The following CDK1 variants were observed in gnomAD, a reference collection of about 807,000 sequenced individuals.
CDK1 encodes cyclin-dependent kinase 1.
CDK1 carries 5 observed loss-of-function variants against 34.6 expected under a neutral mutation model. The observed-to-expected ratio is 0.14, with a 90% CI of 0.08 to 0.30. The LOEUF is 0.30. Among genes scored for constraint, CDK1 ranks in the 10% least tolerant of loss-of-function variants. CDK1 has a pLI of 1.00. For synonymous variants in CDK1, 108 were observed against 114.7 expected, an observed-to-expected ratio of 0.94 and a Z score of 0.37; for missense variants, 157 against 345.7, an observed-to-expected ratio of 0.45 and a Z score of 4.33.
chr10:60,785,316 G>C (rs532492332), intron 3 of CDK1, among the ~76,000 whole-genome samples: 4 of 152,078 alleles, frequency 2.6e-5, no homozygotes, highest in African/African-American at 9.7e-5. Flanking sequence ...ACTTGGCTGG[G>C]GCTAGAGATT....
At chr10:60,781,801 A>G (rs577804022) in intron 2 of CDK1, among the ~76,000 whole-genome samples, 61 of 152,262 alleles carry the variant, frequency 4.0e-4, no homozygotes, top group African/African-American at 1.4e-3. Context: ...CCTTTGCATC[A>G]TACCATAGGA....
intron 5 of CDK1, among the ~76,000 whole-genome samples, chr10:60,789,985 C>T (rs563057623): frequency 6.6e-6 from 1 of 152,138 alleles, no homozygotes; most frequent in East Asian, 1.9e-4. Context: ...TTGCATTTCC[C>T]TGATGAATAG....
At chr10:60,781,353 T>G (rs1404404752) in intron 2 of CDK1, among the ~76,000 whole-genome samples, 7 of 152,204 alleles carry the variant, frequency 4.6e-5, no homozygotes, top group Admixed American at 3.9e-4. Flanking sequence ...ATTTTAAATT[T>G]AATCCATTAC....
rs3213028 is a variant in CDK1 at position 60,780,157 on chromosome 10, T to C, written c.-9T>C. 2 of 1,525,596 alleles carry C rather than the reference T, an allele frequency of 1.3e-6. No homozygotes were observed. The highest frequency in any genetic ancestry group is 9.1e-7 in the Non-Finnish European group (1 of 1,099,966). 94.5% of individuals were successfully genotyped at this position (1,525,596 alleles called of 1,614,324 possible). On this transcript the variant is annotated 5_prime_UTR_variant, in exon 2 of 8. Coordinates refer to ENST00000395284, the MANE Select transcript of CDK1 (RefSeq NM_001786.5). Reference sequence around the variant, plus strand: ...TCACTTTAGGATCTACCATACCCATTGACTAACTATGGAAGATTATACCAA... The same window carrying C: ...TCACTTTAGGATCTACCATACCCATCGACTAACTATGGAAGATTATACCAA...
At chr10:60,783,664 A>G (rs963884857) in intron 2 of CDK1, 2 of 152,172 alleles carry the variant, frequency 1.3e-5, no homozygotes. Flanking sequence ...AGACTTATCT[A>G]GGGAATTCAG....
rs1358047044 is a variant in CDK1 at position 60,794,010 on chromosome 10, C to T, written c.*35C>T. 2.1e-6 allele frequency: 2 copies of T among 956,550 alleles called. No individual in the cohort carries two copies. Among genetic ancestry groups the T allele is most frequent in the South Asian group, 1.5e-5 (1 of 64,770 alleles). The allele number at this position is 956,550 out of a possible 1,614,324, so 59.3% of individuals were successfully genotyped here. On this transcript the variant is annotated 3_prime_UTR_variant, in exon 8 of 8. Transcript: ENST00000395284. ...AAAAAGTTTCCATATGTTATATCAACAGATAGTTGTGTTTTTATTGTTAAC... is the reference window on the plus strand; with the variant it reads ...AAAAAGTTTCCATATGTTATATCAATAGATAGTTGTGTTTTTATTGTTAAC...
At position 60,794,338 on chromosome 10, in the gene CDK1, A is replaced by G. The variant is rs1589115853; in HGVS notation, c.*363A>G. ...GAAAATGCTAAGTTCAAGTTTCGTA[A>G]TGCTTTGAAGTATTTTTATGCTCTG... On this transcript the variant is annotated 3_prime_UTR_variant, in exon 8 of 8. Transcript: ENST00000395284. The G allele has an allele frequency of 6.3e-6, 1 of 158,516 alleles. No individual in the cohort carries two copies. Among genetic ancestry groups the G allele is most frequent in the East Asian group, 1.8e-4 (1 of 5,590 alleles). The allele number at this position is 158,516 out of a possible 1,614,324, so 9.8% of individuals were successfully genotyped here.
At chr10:60,787,923 G>A in intron 4 of CDK1, 137 bp from the exon 5 acceptor site, 1 of 468,034 alleles carries the variant, frequency 2.1e-6, no homozygotes, top group Non-Finnish European at 3.8e-6. Flanking sequence ...ACCCACAAAT[G>A]CTTATTAGCC....
At chr10:60,790,478 C>A (rs1394238042) in intron 5 of CDK1, among the ~76,000 whole-genome samples, 2 of 152,198 alleles carry the variant, frequency 1.3e-5, no homozygotes, top group East Asian at 3.9e-4. Flanking sequence ...AACTCCTGGG[C>A]TCATGCAATC....
Position 60,787,886 on chromosome 10 carries a change from G to A in CDK1, c.319-174G>A, listed in dbSNP as rs980543572. ...AGATTCTTTTCTTAGGTATACAAATGTGATGTTGTATATAAATGGGCTTCC... is the reference window on the plus strand; with the variant it reads ...AGATTCTTTTCTTAGGTATACAAATATGATGTTGTATATAAATGGGCTTCC... On this transcript the variant is annotated intron_variant, in intron 4 of 7. Coordinates refer to ENST00000395284, the MANE Select transcript of CDK1 (RefSeq NM_001786.5). The A allele has an allele frequency of 6.3e-5, 25 of 394,182 alleles. No homozygotes were observed. The Admixed American group carries it at 9.1e-4, about 14-fold the overall frequency. The allele number at this position is 394,182 out of a possible 1,614,324, so 24.4% of individuals were successfully genotyped here. A position where few individuals can be genotyped will look rare whatever the true frequency, so the allele number is the denominator to read the frequency against.
At chr10:60,789,062 A>G (rs767975346) in intron 5 of CDK1, among the ~76,000 whole-genome samples, 17 of 152,130 alleles carry the variant, frequency 1.1e-4, no homozygotes, top group Non-Finnish European at 1.6e-4. Context: ...TAGATCACTA[A>G]TCTGTTATTT....
At chr10:60,790,374 A>G (rs1348019177) in intron 5 of CDK1, among the ~76,000 whole-genome samples, 1 of 151,986 alleles carries the variant, frequency 6.6e-6, no homozygotes, top group African/African-American at 2.4e-5. Flanking sequence ...CTCCTGAGTA[A>G]TTGGGCCCAT....
intron 1 of CDK1, 151 bp downstream of exon 1, chr10:60,778,721 C>T (rs1299028850): frequency 6.5e-6 from 1 of 152,740 alleles, no homozygotes; most frequent in Non-Finnish European, 1.5e-5. Context: ...TGGGCAGGGC[C>T]TTCGCCTGGG....
rs767630036 is a variant in CDK1, at chr10:60,778,526, GGTT to G, written c.-64_-62del. ...TTGGAAATTGAGCGGAGAGCGACGCGGTTGTTGTAGCTGCCGCTGCGGCCGCCG... is the reference window on the plus strand; with the variant it reads ...TTGGAAATTGAGCGGAGAGCGACGCGGTTGTAGCTGCCGCTGCGGCCGCCG... On this transcript the variant is annotated 5_prime_UTR_variant, in exon 1 of 8. Coordinates refer to ENST00000395284, the MANE Select transcript of CDK1 (RefSeq NM_001786.5). The G allele has an allele frequency of 6.6e-6, 1 of 152,498 alleles. No individual in the cohort carries two copies. Among genetic ancestry groups the G allele is most frequent in the African/African-American group, 2.4e-5 (1 of 41,462 alleles). 9.4% of individuals were successfully genotyped at this position (152,498 alleles called of 1,614,324 possible).
intron 4 of CDK1, chr10:60,786,717 C>A: frequency 3.4e-6 from 1 of 295,202 alleles, no homozygotes; most frequent in Non-Finnish European, 5.0e-6. Flanking sequence ...TACATCATTG[C>A]CAAAACTTGG....
chr10:60,785,559 C>T, intron 3 of CDK1, 105 bp from the exon 4 acceptor site: 1 of 695,886 alleles, frequency 1.4e-6, no homozygotes, highest in Non-Finnish European at 2.4e-6. Flanking sequence ...TACGTCTTCC[C>T]CAGTTTTTAT....
chr10:60,789,246 A>G (rs567450328), intron 5 of CDK1, among the ~76,000 whole-genome samples: 131 of 152,254 alleles, frequency 8.6e-4, no homozygotes, highest in African/African-American at 2.9e-3. Context: ...TTTGTTGGGA[A>G]CATTCAAAAT....
intron 4 of CDK1, 47 bp downstream of exon 4, chr10:60,785,834 A>G: frequency 6.6e-7 from 1 of 1,515,264 alleles, no homozygotes; most frequent in South Asian, 1.3e-5. Flanking sequence ...TGTGGATATA[A>G]AGGGACTATA....
intron 4 of CDK1, chr10:60,786,871 CT>C: frequency 1.0e-6 from 1 of 978,098 alleles, no homozygotes; most frequent in Non-Finnish European, 1.2e-6. Context: ...TCTTGCATGA[CT>C]TTTGGACTTT....
Sources: allele counts gnomAD v4.1 joint callset (sites outside exome capture counted in the v4.1 genomes callset), GRCh38; gene constraint gnomAD v4.1.1; transcripts MANE v1.5; gene names NCBI Gene and HGNC (gene_info 2026-07-23, HGNC 2026-07-21).